The following NCKAP5 variants were observed in gnomAD, a reference collection of about 807,000 sequenced individuals.
NCKAP5 encodes the protein nck-associated protein 5.
In NCKAP5, 92 loss-of-function variants were observed where a neutral mutation model predicts 167.0. That is an observed-to-expected ratio of 0.55 (90% CI 0.47 to 0.66). The LOEUF (loss-of-function observed/expected upper bound fraction) is 0.66. Ranked by LOEUF, NCKAP5 falls within the 30% of genes least tolerant of loss-of-function variation. NCKAP5 has a pLI of 0.00. For synonymous variants in NCKAP5, 891 were observed against 877.4 expected (o/e 1.02, Z -0.27); for missense variants, 2,378 against 2,315.0 (o/e 1.03, Z -0.56).
intron 16 of NCKAP5, among the ~76,000 whole-genome samples, chr2:132,738,091 T>C (rs909381589): frequency 6.6e-6 from 1 of 151,906 alleles, no homozygotes; most frequent in Non-Finnish European, 1.5e-5. Flanking sequence ...AATCTGCTTC[T>C]TTTTTGCTCT....
intron 12 of NCKAP5, among the ~76,000 whole-genome samples, chr2:132,795,616 C>T (rs181888009): frequency 0.013 from 1,974 of 151,898 alleles, 16 homozygotes; most frequent in Middle Eastern, 0.058. Flanking sequence ...GTCAGGAGTT[C>T]GAGACCAGCC....
intron 12 of NCKAP5, among the ~76,000 whole-genome samples, chr2:132,793,823 T>C (rs945316193): frequency 2.0e-5 from 3 of 152,166 alleles, no homozygotes; most frequent in Non-Finnish European, 4.4e-5. Context: ...TGGGAAATTC[T>C]CCCACTTCCC....
intron 6 of NCKAP5, among the ~76,000 whole-genome samples, chr2:133,068,379 G>A (rs932287742): frequency 6.6e-6 from 1 of 152,188 alleles, no homozygotes; most frequent in Non-Finnish European, 1.5e-5. Context: ...ATGATCAGCT[G>A]TTTCATATGG....
intron 6 of NCKAP5, among the ~76,000 whole-genome samples, chr2:133,017,846 T>C (rs965516345): frequency 6.6e-6 from 1 of 151,864 alleles, no homozygotes; most frequent in African/African-American, 2.4e-5. Flanking sequence ...AAGATCATAC[T>C]TTGCAATGGG....
At chr2:132,834,596 C>T (rs751948719) in intron 11 of NCKAP5, among the ~76,000 whole-genome samples, 22 of 152,146 alleles carry the variant, frequency 1.4e-4, no homozygotes, top group Non-Finnish European at 2.6e-4. Context: ...CTACCGACCT[C>T]GGCCTCCCAA....
intron 5 of NCKAP5, among the ~76,000 whole-genome samples, chr2:133,210,057 T>C (rs1052397782): frequency 6.6e-6 from 1 of 151,634 alleles, no homozygotes; most frequent in African/African-American, 2.4e-5. Context: ...CCCAGCTCCT[T>C]TGGAAGCTGA....
rs80308970 is a variant in NCKAP5, at chr2:133,130,272, C to T, written c.208-161G>A. ...ATTCTTAATCTCTTGTTATAGACAA[C>T]GAAACCAAGGATCAGAGACACCTAA... On this transcript the variant is annotated intron_variant, in intron 5 of 19. Transcript: ENST00000409261. Among the ~76,000 whole-genome samples the T allele has an allele frequency of 1.8e-3, 270 of 152,190 alleles. 2 individuals are homozygous for T. The East Asian group carries it at 0.024, about 13-fold the overall frequency.
At chr2:133,141,818 T>A (rs1050441619) in intron 5 of NCKAP5, among the ~76,000 whole-genome samples, 11 of 152,168 alleles carry the variant, frequency 7.2e-5, no homozygotes, top group Non-Finnish European at 1.3e-4. Flanking sequence ...TCGTAGATTA[T>A]ATGAGAAACC....
intron 3 of NCKAP5, among the ~76,000 whole-genome samples, chr2:133,437,047 A>G (rs1659700436): frequency 6.6e-6 from 1 of 152,020 alleles, no homozygotes; most frequent in South Asian, 2.1e-4. Flanking sequence ...GTGTTAATTT[A>G]TGTGCTCAAA....
intron 2 of NCKAP5, among the ~76,000 whole-genome samples, chr2:133,550,364 A>C (rs1400324933): frequency 5.9e-5 from 9 of 151,396 alleles, no homozygotes; most frequent in South Asian, 2.1e-4. Context: ...TACTGGCAAA[A>C]CGAATCCAGC....
chr2:133,312,453 C>T (rs527791635), intron 3 of NCKAP5, among the ~76,000 whole-genome samples: 1 of 152,286 alleles, frequency 6.6e-6, no homozygotes, highest in South Asian at 2.1e-4. Flanking sequence ...TTATGTTTCC[C>T]AGTCTCCTGT....
chr2:132,983,921 T>A (rs965356326), intron 7 of NCKAP5, among the ~76,000 whole-genome samples: 3 of 152,180 alleles, frequency 2.0e-5, no homozygotes, highest in Admixed American at 6.5e-5. Context: ...CCATTGAGCA[T>A]CCACATTCTC....
intron 3 of NCKAP5, among the ~76,000 whole-genome samples, chr2:133,468,308 T>G (rs1292179595): frequency 1.4e-5 from 2 of 144,974 alleles, no homozygotes; most frequent in Non-Finnish European, 3.0e-5. Context: ...AGTTTCTATG[T>G]AGTTGAGCGG....
chr2:133,475,362 T>C (rs1575025780), intron 3 of NCKAP5, among the ~76,000 whole-genome samples: 1 of 152,226 alleles, frequency 6.6e-6, no homozygotes, highest in African/African-American at 2.4e-5. Context: ...AGTCACACTG[T>C]CCTTTCTGTT....
chr2:132,772,698 C>T (rs1236850312), intron 16 of NCKAP5, among the ~76,000 whole-genome samples: 1 of 152,208 alleles, frequency 6.6e-6, no homozygotes, highest in Admixed American at 6.5e-5. Flanking sequence ...ATTCAGACTA[C>T]ACTCTTTCAG....
chr2:133,398,373 G>A (rs1687889338), intron 3 of NCKAP5, among the ~76,000 whole-genome samples: 3 of 152,180 alleles, frequency 2.0e-5, no homozygotes, highest in Admixed American at 1.3e-4. Context: ...CATGGCACAT[G>A]TATCCCTATT....
chr2:133,350,549 T>C (rs1684290842), intron 3 of NCKAP5, among the ~76,000 whole-genome samples: 1 of 152,192 alleles, frequency 6.6e-6, no homozygotes, highest in Admixed American at 6.5e-5. Flanking sequence ...GGTCCACAAA[T>C]AGTCTGACCA....
chr2:133,593,223 ACTAT>A, the NCKAP5 span, among the ~76,000 whole-genome samples: 1 of 152,322 alleles, frequency 6.6e-6, no homozygotes, highest in South Asian at 2.1e-4. Context: ...GATGATATAC[ACTAT>A]CTGTTATCAC....
rs181024359 is a variant in NCKAP5, at chr2:132,770,929, G to A, written c.5128+2887C>T. Among the ~76,000 whole-genome samples the A allele has an allele frequency of 2.2e-4, 34 of 152,264 alleles. No homozygotes were observed. In the East Asian group the frequency reaches 4.2e-3, roughly 19 times the overall value. On this transcript the variant is annotated intron_variant, in intron 16 of 19. Transcript: ENST00000409261. Reference sequence around the variant, plus strand: ...ACTCATGTGTTGTGGTGATGCTGGTGTATAAAAAGCTATGTGCTTCCAGTC... The same window carrying A: ...ACTCATGTGTTGTGGTGATGCTGGTATATAAAAAGCTATGTGCTTCCAGTC...
Sources: gnomAD v4.1 joint callset for allele counts (sites outside exome capture counted in the v4.1 genomes callset) on GRCh38, gnomAD v4.1.1 for gene constraint, MANE v1.5 for transcripts, NCBI Gene and HGNC (gene_info 2026-07-23, HGNC 2026-07-21) for gene names.